LIMS2: variants seen among roughly 807,000 people sequenced by gnomAD.
The protein encoded by LIMS2 is LIM and senescent cell antigen-like-containing domain protein 2.
Under a neutral mutation model 45.3 loss-of-function variants are expected in LIMS2, and 30 were observed. The ratio of observed to expected loss-of-function variants is 0.66; its 90% CI spans 0.50 to 0.90. The LOEUF (loss-of-function observed/expected upper bound fraction) is 0.90, where lower values mean the gene tolerates loss of function less well. Among genes scored for constraint, LIMS2 ranks in the 40% least tolerant of loss-of-function variants. The pLI is 0.00. For missense variants in LIMS2, 485 were observed against 468.7 expected (o/e 1.03, Z -0.32); for synonymous variants, 173 against 188.0 (o/e 0.92, Z 0.65).
intron 9 of LIMS2, 50 bp downstream of exon 9, chr2:127,640,020 G>T: frequency 6.4e-7 from 1 of 1,572,250 alleles, no homozygotes; most frequent in Non-Finnish European, 8.7e-7. Context: ...GGAAGGACCT[G>T]CAGGAGCCCC....
chr2:127,660,285 A>G (rs1573824948), intron 1 of LIMS2, among the ~76,000 whole-genome samples: 1 of 152,116 alleles, frequency 6.6e-6, no homozygotes, highest in Non-Finnish European at 1.5e-5. Flanking sequence ...AGGGAATAAA[A>G]CCAGGCCACT....
At position 127,642,845 on chromosome 2, in the gene LIMS2, T is replaced by G; in HGVS notation, c.509+78A>C. On this transcript the variant is annotated intron_variant, in intron 5 of 9. Coordinates refer to ENST00000355119, the MANE Select transcript of LIMS2 (RefSeq NM_001161403.3). The surrounding 1 kb of genome is among the most constrained non-coding windows in gnomAD (Gnocchi z 5.3). Reference sequence around the variant, plus strand: ...TCTCCCTCCTCAACACTTCCCCAGGTGGAGGCCCCACCGCCCTTACCCTGG... The same window carrying G: ...TCTCCCTCCTCAACACTTCCCCAGGGGGAGGCCCCACCGCCCTTACCCTGG... 1.4e-6 allele frequency: 2 copies of G among 1,461,658 alleles called. No homozygotes were observed. The highest frequency in any genetic ancestry group is 1.8e-6 in the Non-Finnish European group (2 of 1,083,510). 90.5% of individuals were successfully genotyped at this position (1,461,658 alleles called of 1,614,324 possible). A position where few individuals can be genotyped will look rare whatever the true frequency, so the allele number is the denominator to read the frequency against.
At chr2:127,644,227 C>T in intron 4 of LIMS2, 1 of 398,794 alleles carries the variant, frequency 2.5e-6, no homozygotes, top group Non-Finnish European at 5.1e-6. Context: ...TCCCCAAGAC[C>T]CTATGTGCCC....
upstream of LIMS2, among the ~76,000 whole-genome samples, chr2:127,677,534 A>G (rs1311293913): frequency 6.6e-6 from 1 of 152,152 alleles, no homozygotes; most frequent in African/African-American, 2.4e-5. This position sits in a 1 kb window ranked among gnomAD's most constrained non-coding sequence, Gnocchi z 5.0. Context: ...AACAGCCCTG[A>G]GGTGACATGA....
In LIMS2 at chr2:127,664,790, G is replaced by C. The variant is rs1412195068; in HGVS notation, c.12-7228C>G. Among the ~76,000 whole-genome samples the C allele has an allele frequency of 6.6e-6, 1 of 152,204 alleles. No homozygotes were observed. Among genetic ancestry groups the C allele is most frequent in the Non-Finnish European group, 1.5e-5 (1 of 68,034 alleles). ...CCGTGGACACACTGAGGAGGGCAGA[G>C]TCAGCTGAGGAGGACAGGGAGGACC... On this transcript the variant is annotated intron_variant, in intron 1 of 9. Coordinates refer to ENST00000355119, the MANE Select transcript of LIMS2 (RefSeq NM_001161403.3). The surrounding 1 kb of genome is among the most constrained non-coding windows in gnomAD (Gnocchi z 5.5).
intron 1 of LIMS2, among the ~76,000 whole-genome samples, chr2:127,661,840 CAG>C (rs1431490102): frequency 1.3e-5 from 2 of 152,184 alleles, no homozygotes; most frequent in African/African-American, 2.4e-5. Flanking sequence ...GATTGAAGCA[CAG>C]AGAGAGTCAG....
intron 1 of LIMS2, chr2:127,674,516 G>A: frequency 1.6e-6 from 1 of 616,842 alleles, no homozygotes; most frequent in South Asian, 7.0e-5. Context: ...CTGGTGCTTG[G>A]GCGCAGCTCT....
At position 127,647,509 on chromosome 2, in the gene LIMS2, C is replaced by T. The variant is rs1380696925; in HGVS notation, c.360-4437G>A. ...TGCCAGGCAGAGTGGTCAGTCGTAC[C>T]TATGAGCTGCTCTCTCGTGGGGCCA... On this transcript the variant is annotated intron_variant, in intron 4 of 9. Transcript: ENST00000355119. The surrounding 1 kb of genome is among the most constrained non-coding windows in gnomAD (Gnocchi z 4.3). Among the ~76,000 whole-genome samples the T allele has an allele frequency of 1.2e-4, 19 of 152,172 alleles. No homozygotes were observed. The highest frequency in any genetic ancestry group is 4.6e-4 in the African/African-American group (19 of 41,444).
intron 6 of LIMS2, 106 bp from the exon 7 acceptor site, chr2:127,641,094 G>T: frequency 1.2e-6 from 1 of 827,444 alleles, no homozygotes; most frequent in Non-Finnish European, 2.0e-6. Context: ...AGTGACTCCA[G>T]GGGACCACAG....
intron 2 of LIMS2, among the ~76,000 whole-genome samples, chr2:127,656,722 C>T (rs1013332058): frequency 1.1e-4 from 17 of 152,176 alleles, no homozygotes; most frequent in Admixed American, 1.0e-3. Flanking sequence ...GCCAGGTCAC[C>T]TTTTCAAATG....
intron 2 of LIMS2, among the ~76,000 whole-genome samples, chr2:127,657,035 C>T (rs773860800): frequency 6.6e-6 from 1 of 152,238 alleles, no homozygotes; most frequent in African/African-American, 2.4e-5. Flanking sequence ...CCGCACCCCA[C>T]CCCGGGAACC....
chr2:127,641,845 G>T, intron 6 of LIMS2: 1 of 543,692 alleles, frequency 1.8e-6, no homozygotes, highest in Non-Finnish European at 3.3e-6. Context: ...AACCGTGTGT[G>T]TGCACTCGGG....
chr2:127,641,993 A>T (rs1303585939), intron 6 of LIMS2, 56 bp downstream of exon 6: 1 of 1,579,792 alleles, frequency 6.3e-7, no homozygotes, highest in East Asian at 2.3e-5. Flanking sequence ...TCTTACCATG[A>T]CCCTGAGCTG....
chr2:127,673,812 G>C, intron 1 of LIMS2: 3 of 1,416,818 alleles, frequency 2.1e-6, no homozygotes, highest in Non-Finnish European at 2.9e-6. Flanking sequence ...AGGCAGCCCC[G>C]CTAGAACCCT....
intron 1 of LIMS2, among the ~76,000 whole-genome samples, chr2:127,666,809 G>C (rs189290793): frequency 4.5e-4 from 69 of 152,252 alleles, no homozygotes; most frequent in Non-Finnish European, 9.3e-4. Context: ...GAAATACCAA[G>C]CAAAGGGGGA....
intron 3 of LIMS2, 56 bp downstream of exon 3, chr2:127,654,774 C>G (rs746037222): frequency 6.3e-7 from 1 of 1,583,434 alleles, no homozygotes; most frequent in Admixed American, 1.7e-5. Flanking sequence ...CCCTGCCCCC[C>G]GCCACTGCTG....
At chr2:127,673,942 C>T in intron 1 of LIMS2, 1 of 572,638 alleles carries the variant, frequency 1.7e-6, no homozygotes, top group South Asian at 2.0e-5. Context: ...GTCAGGGGAG[C>T]TAACTGGGAA....
intron 1 of LIMS2, among the ~76,000 whole-genome samples, chr2:127,658,846 G>A (rs913178026): frequency 6.6e-6 from 1 of 152,194 alleles, no homozygotes; most frequent in East Asian, 1.9e-4. Flanking sequence ...GTGGTGGCAG[G>A]ACTCGAGTGC....
chr2:127,680,100 C>T (rs1685583016), upstream of LIMS2, among the ~76,000 whole-genome samples: 1 of 152,220 alleles, frequency 6.6e-6, no homozygotes, highest in Non-Finnish European at 1.5e-5. Context: ...CCTTCAGCCG[C>T]CTCCTGCGAG....
Sources: allele counts gnomAD v4.1 joint callset (sites outside exome capture counted in the v4.1 genomes callset), GRCh38; gene constraint gnomAD v4.1.1; non-coding constraint Gnocchi (gnomAD v3.1); transcripts MANE v1.5; gene names NCBI Gene and HGNC (gene_info 2026-07-23, HGNC 2026-07-21).